FRMPD4: variants seen among roughly 807,000 people sequenced by gnomAD.
FRMPD4 encodes FERM and PDZ domain-containing protein 4.
Under a neutral mutation model 94.1 loss-of-function variants are expected in FRMPD4, and 22 were observed. That is an observed-to-expected ratio of 0.23 (90% CI 0.17 to 0.33). FRMPD4 has a LOEUF of 0.33. Ranked by LOEUF, FRMPD4 falls within the 10% of genes least tolerant of loss-of-function variation. The pLI is 1.00. For synonymous variants in FRMPD4, 631 were observed against 548.6 expected (o/e 1.15, Z -2.10); for missense variants, 1,111 against 1,339.9 (o/e 0.83, Z 2.67).
intron 1 of FRMPD4, among the ~76,000 whole-genome samples, chrX:12,278,251 G>A (rs751901695): frequency 8.9e-6 from 1 of 112,281 alleles, no homozygotes; most frequent in Non-Finnish European, 1.9e-5. Flanking sequence ...TACCAAGCCT[G>A]TTCCTTGACA....
intron 1 of FRMPD4, among the ~76,000 whole-genome samples, chrX:12,291,227 G>A (rs763692569): frequency 2.7e-5 from 3 of 112,217 alleles, no homozygotes; most frequent in East Asian, 2.8e-4. Flanking sequence ...TGAACTGCAC[G>A]GTAACATTTG....
At chrX:12,399,147 C>T (rs1410449754) in intron 1 of FRMPD4, among the ~76,000 whole-genome samples, 2 of 111,476 alleles carry the variant, frequency 1.8e-5, no homozygotes, top group East Asian at 5.7e-4. Context: ...TTCATGTCTT[C>T]ACTTTAGTGC....
At chrX:12,055,756 G>A (rs183044832) in intron 3 of FRMPD4, among the ~76,000 whole-genome samples, 147 of 111,950 alleles carry the variant, frequency 1.3e-3, no homozygotes, top group African/African-American at 4.7e-3. Flanking sequence ...AGGTCAGGAA[G>A]AAGCATGTCC....
chrX:11,969,568 T>G (rs1193848100), intron 3 of FRMPD4, among the ~76,000 whole-genome samples: 1 of 111,455 alleles, frequency 9.0e-6, no homozygotes, highest in Non-Finnish European at 1.9e-5. Flanking sequence ...GGAAATTGGG[T>G]TTAAGTTGAA....
At chrX:12,592,489 A>C (rs139808437) in intron 2 of FRMPD4, among the ~76,000 whole-genome samples, 19 of 112,111 alleles carry the variant, frequency 1.7e-4, no homozygotes, top group African/African-American at 6.1e-4. Flanking sequence ...ACTGCCAATT[A>C]GCTTTGTAAT....
At chrX:12,129,600 G>A (rs1163163615) in intron 3 of FRMPD4, among the ~76,000 whole-genome samples, 2 of 111,509 alleles carry the variant, frequency 1.8e-5, no homozygotes, top group Non-Finnish European at 3.8e-5. Flanking sequence ...CAACATTCAC[G>A]GCTACCCATC....
chrX:12,374,068 T>C (rs193066087), intron 1 of FRMPD4, among the ~76,000 whole-genome samples: 56 of 111,783 alleles, frequency 5.0e-4, no homozygotes, highest in African/African-American at 1.7e-3. Context: ...TTTCCTTAGT[T>C]CTCCTGGATC....
chrX:12,229,391 A>C (rs189632619), intron 1 of FRMPD4, among the ~76,000 whole-genome samples: 2 of 111,871 alleles, frequency 1.8e-5, no homozygotes, highest in East Asian at 5.6e-4. Context: ...TAGATGTGTT[A>C]AATGAAATGC....
At chrX:12,186,226 C>T (rs2056422846) in intron 1 of FRMPD4, among the ~76,000 whole-genome samples, 1 of 111,225 alleles carries the variant, frequency 9.0e-6, no homozygotes, top group Non-Finnish European at 1.9e-5. Context: ...CTAGAATACT[C>T]ACCTGTCGTG....
chrX:12,311,843 A>G (rs1347018717), intron 1 of FRMPD4, among the ~76,000 whole-genome samples: 1 of 111,409 alleles, frequency 9.0e-6, no homozygotes, highest in East Asian at 2.8e-4. Context: ...ATTTCTAGAT[A>G]TGTATTTCAT....
intron 1 of FRMPD4, among the ~76,000 whole-genome samples, chrX:11,852,639 C>T (rs1279787487): frequency 9.1e-6 from 1 of 110,025 alleles, no homozygotes; most frequent in Admixed American, 9.8e-5. Context: ...TTTAAACCAA[C>T]AAAGATCCAA....
At chrX:12,426,148 C>T (rs1002505422) in intron 1 of FRMPD4, among the ~76,000 whole-genome samples, 2 of 112,162 alleles carry the variant, frequency 1.8e-5, no homozygotes, top group Non-Finnish European at 3.8e-5. Context: ...CTGGGATTCC[C>T]AGACTAGAGG....
chrX:12,595,731 C>T (rs181228333), intron 2 of FRMPD4, among the ~76,000 whole-genome samples: 8 of 112,069 alleles, frequency 7.1e-5, no homozygotes, highest in African/African-American at 1.9e-4. Context: ...GGTTTGAACT[C>T]TAAATGTTCA....
intron 1 of FRMPD4, among the ~76,000 whole-genome samples, chrX:12,227,010 A>G (rs2147768496): frequency 8.9e-6 from 1 of 112,178 alleles, no homozygotes; most frequent in Admixed American, 9.5e-5. Flanking sequence ...CTCCCAACAT[A>G]ACATTTGAAA....
intron 3 of FRMPD4, among the ~76,000 whole-genome samples, chrX:11,990,429 T>A (rs1428388804): frequency 8.9e-6 from 1 of 112,118 alleles, no homozygotes; most frequent in Non-Finnish European, 1.9e-5. Flanking sequence ...CTGACTTGTT[T>A]ACTTTAAAAT....
intron 1 of FRMPD4, among the ~76,000 whole-genome samples, chrX:11,834,875 GT>G (rs934063090): frequency 2.7e-5 from 3 of 111,661 alleles, no homozygotes; most frequent in African/African-American, 9.8e-5. Flanking sequence ...TATACTTTTA[GT>G]TTTTTTGGTA....
At chrX:11,992,142 GAA>G (rs58215165) in intron 3 of FRMPD4, among the ~76,000 whole-genome samples, 40 of 105,473 alleles carry the variant, frequency 3.8e-4, no homozygotes, top group Admixed American at 1.1e-3. Flanking sequence ...AATTAAAAGA[GAA>G]AAAAAAAATC....
chrX:12,591,188 G>A (rs1465175783), intron 2 of FRMPD4, among the ~76,000 whole-genome samples: 2 of 112,132 alleles, frequency 1.8e-5, no homozygotes, highest in East Asian at 5.5e-4. Flanking sequence ...CACACATTTT[G>A]TATATTATAT....
chrX:12,112,293 C>G (rs778089176), intron 3 of FRMPD4, among the ~76,000 whole-genome samples: 1 of 111,305 alleles, frequency 9.0e-6, no homozygotes, highest in African/African-American at 3.3e-5. Flanking sequence ...TGGAAACCAT[C>G]ATTCTCAGCA....
Sources: gnomAD v4.1 joint callset for allele counts (sites outside exome capture counted in the v4.1 genomes callset) on GRCh38, gnomAD v4.1.1 for gene constraint, MANE v1.5 for transcripts, NCBI Gene and HGNC (gene_info 2026-07-23, HGNC 2026-07-21) for gene names.